Variants in MAGI1 observed in about 807,000 individuals in gnomAD.
The protein encoded by MAGI1 is membrane associated guanylate kinase, WW and PDZ domain containing 1, also known as membrane-associated guanylate kinase, WW and PDZ domain-containing protein 1.
MAGI1 carries 58 observed loss-of-function variants against 139.9 expected under a neutral mutation model. The observed-to-expected ratio is 0.41, with a 90% confidence interval of 0.34 to 0.52. The LOEUF (loss-of-function observed/expected upper bound fraction) is 0.52. MAGI1 is among the 20% of genes least tolerant of loss of function. MAGI1 has a pLI of 0.12. For missense variants in MAGI1, 1,874 were observed against 1,901.6 expected (o/e 0.99, Z 0.27); for synonymous variants, 812 against 737.9 (o/e 1.10, Z -1.63).
At chr3:65,699,706 A>G (rs979252854) in intron 1 of MAGI1, among the ~76,000 whole-genome samples, 2 of 126,704 alleles carry the variant, frequency 1.6e-5, no homozygotes, top group African/African-American at 3.1e-5. Context: ...GAAGGGGAAT[A>G]TCACACTCTG....
intron 1 of MAGI1, among the ~76,000 whole-genome samples, chr3:66,016,741 A>G (rs1314398346): frequency 1.3e-5 from 2 of 152,220 alleles, no homozygotes; most frequent in African/African-American, 4.8e-5. Flanking sequence ...CAAGGTGGAA[A>G]CAACCCAATC....
intron 1 of MAGI1, among the ~76,000 whole-genome samples, chr3:65,958,645 C>G (rs909191243): frequency 4.6e-5 from 7 of 152,112 alleles, no homozygotes; most frequent in African/African-American, 1.7e-4. Flanking sequence ...GGTAATATGG[C>G]CCATATATCG....
chr3:65,942,298 T>C (rs1048932968), intron 1 of MAGI1, among the ~76,000 whole-genome samples: 1 of 152,018 alleles, frequency 6.6e-6, no homozygotes, highest in Non-Finnish European at 1.5e-5. Flanking sequence ...ACCAAAAGAA[T>C]TCCTTACTGA....
chr3:65,760,231 A>G (rs1004530564), intron 1 of MAGI1, among the ~76,000 whole-genome samples: 5 of 151,794 alleles, frequency 3.3e-5, no homozygotes, highest in Non-Finnish European at 4.4e-5. Context: ...GAGGTTCACA[A>G]TAAATGTCTG....
At chr3:65,515,566 T>C (rs1576137467) in intron 2 of MAGI1, among the ~76,000 whole-genome samples, 3 of 152,284 alleles carry the variant, frequency 2.0e-5, no homozygotes, top group South Asian at 4.1e-4. Flanking sequence ...TTATTTCTCT[T>C]TTCAGATATA....
At chr3:65,552,256 AG>A in intron 2 of MAGI1, among the ~76,000 whole-genome samples, 2 of 113,214 alleles carry the variant, frequency 1.8e-5, no homozygotes. Context: ...GAGTGTGTAT[AG>A]GGGTGTGTGT....
intron 3 of MAGI1, 84 bp downstream of exon 3, chr3:65,493,428 A>G: frequency 6.4e-7 from 1 of 1,567,334 alleles, no homozygotes; most frequent in Non-Finnish European, 8.7e-7. Flanking sequence ...TCCAGATTCC[A>G]CAAAACATTT....
In MAGI1 at chr3:65,366,500, G is replaced by A. The variant is rs149169696; in HGVS notation, c.3197-1554C>T. On this transcript the variant is annotated intron_variant, in intron 18 of 22. Transcript: ENST00000402939. Reference sequence around the variant, plus strand: ...TTACTACACCAATATGCCTGTGACCGTCCAAGCTGGGGAGGTGGTGTTTCT... The same window carrying A: ...TTACTACACCAATATGCCTGTGACCATCCAAGCTGGGGAGGTGGTGTTTCT... Among the ~76,000 whole-genome samples the A allele has an allele frequency of 1.8e-4, 28 of 152,238 alleles. 1 individual carries two copies. Among genetic ancestry groups the A allele is most frequent in the East Asian group, 5.8e-4 (3 of 5,182 alleles).
chr3:65,859,096 G>A (rs1255755310), intron 1 of MAGI1, among the ~76,000 whole-genome samples: 1 of 152,192 alleles, frequency 6.6e-6, no homozygotes, highest in Admixed American at 6.5e-5. Flanking sequence ...ACTGTGGGAG[G>A]CTGAGGTGTG....
At chr3:65,425,539 T>A (rs1043115693) in intron 12 of MAGI1, among the ~76,000 whole-genome samples, 2 of 152,118 alleles carry the variant, frequency 1.3e-5, no homozygotes, top group Non-Finnish European at 2.9e-5. Flanking sequence ...ATTAAAAAAA[T>A]AAGTGTCAGG....
chr3:65,896,122 G>A (rs1319598911), intron 1 of MAGI1, among the ~76,000 whole-genome samples: 10 of 152,092 alleles, frequency 6.6e-5, no homozygotes, highest in Admixed American at 5.2e-4. Context: ...TCCACCCACT[G>A]CGGTATTTTT....
At chr3:65,543,227 C>T (rs866241263) in intron 2 of MAGI1, among the ~76,000 whole-genome samples, 1 of 151,990 alleles carries the variant, frequency 6.6e-6, no homozygotes, top group African/African-American at 2.4e-5. Context: ...GTTAGAATGG[C>T]GATCATTAAA....
At chr3:65,515,698 T>C (rs1386420328) in intron 2 of MAGI1, among the ~76,000 whole-genome samples, 4 of 152,192 alleles carry the variant, frequency 2.6e-5, no homozygotes. Flanking sequence ...CACCAACCCA[T>C]GGCCCAGGAT....
At chr3:65,998,526 T>G (rs185613351) in intron 1 of MAGI1, among the ~76,000 whole-genome samples, 24 of 152,328 alleles carry the variant, frequency 1.6e-4, no homozygotes, top group African/African-American at 4.1e-4. Flanking sequence ...AAGCCTAGTT[T>G]TTACTCTAGA....
At chr3:65,433,053 G>C (rs1314408613) in intron 10 of MAGI1, among the ~76,000 whole-genome samples, 1 of 151,436 alleles carries the variant, frequency 6.6e-6, no homozygotes, top group Non-Finnish European at 1.5e-5. Flanking sequence ...TGCATGAGTG[G>C]CATTGATATG....
intron 1 of MAGI1, among the ~76,000 whole-genome samples, chr3:65,704,025 C>T (rs112524463): frequency 9.2e-5 from 14 of 151,988 alleles, no homozygotes; most frequent in African/African-American, 2.7e-4. Flanking sequence ...GCTTACTTTG[C>T]GTTTTAAGGG....
At chr3:65,865,146 T>C (rs890773184) in intron 1 of MAGI1, among the ~76,000 whole-genome samples, 5 of 152,162 alleles carry the variant, frequency 3.3e-5, no homozygotes, top group Non-Finnish European at 7.3e-5. Context: ...CATACGATAA[T>C]GTTTACTAAA....
chr3:65,524,436 T>C (rs188825108), intron 2 of MAGI1, among the ~76,000 whole-genome samples: 1 of 152,306 alleles, frequency 6.6e-6, no homozygotes, highest in East Asian at 1.9e-4. Flanking sequence ...ACTTAATATA[T>C]GTTAGTCATG....
chr3:65,980,783 T>C (rs2065532810), intron 1 of MAGI1, among the ~76,000 whole-genome samples: 1 of 152,180 alleles, frequency 6.6e-6, no homozygotes, highest in Non-Finnish European at 1.5e-5. Context: ...ATATGTGCTG[T>C]AGAGCTTACC....
Sources: allele counts gnomAD v4.1 joint callset (sites outside exome capture counted in the v4.1 genomes callset), GRCh38; gene constraint gnomAD v4.1.1; transcripts MANE v1.5; gene names NCBI Gene and HGNC (gene_info 2026-07-23, HGNC 2026-07-21).